Variants in LARS1 observed in about 807,000 individuals in gnomAD.
The protein encoded by LARS1 is leucyl-tRNA synthetase 1.
A neutral mutation model predicts 162.8 loss-of-function variants in LARS1; 100 were observed. The ratio of observed to expected loss-of-function variants is 0.61; its 90% CI spans 0.52 to 0.73. The LOEUF (loss-of-function observed/expected upper bound fraction) is 0.73. Among genes scored for constraint, LARS1 ranks in the 30% least tolerant of loss-of-function variants. The pLI is 0.00. For missense variants in LARS1, 1,258 were observed against 1,408.9 expected (o/e 0.89, Z 1.71); for synonymous variants, 457 against 462.8 (o/e 0.99, Z 0.16).
At chr5:146,132,691 T>C in intron 23 of LARS1, 1 of 426,672 alleles carries the variant, frequency 2.3e-6, no homozygotes, top group South Asian at 6.0e-5. Context: ...CTGTATTAAA[T>C]AAGGTTGCTT....
rs1752936747 is a variant in LARS1, at chr5:146,144,675, T to C, written c.1538A>G (p.Gln513Arg). 1 of 1,614,052 alleles carries C rather than the reference T, an allele frequency of 6.2e-7. No individual in the cohort carries two copies. Among genetic ancestry groups the C allele is most frequent in the Non-Finnish European group, 8.5e-7 (1 of 1,180,008 alleles). The change falls in exon 16 of 32, where the codon CAA becomes CGA. Residue 513 changes from glutamine (Q) to arginine (R), a missense_variant. Physicochemically the swap from Gln to Arg is conservative, Grantham distance 43. Transcript: ENST00000394434. Reference sequence around the variant, plus strand: ...TTCATCTGACGACCTGGACATCACTTGTTTCTCTGGTTCCATGTAAATAAG... The same window carrying C: ...TTCATCTGACGACCTGGACATCACTCGTTTCTCTGGTTCCATGTAAATAAG... ...DALIYMEPEK[Q>R]VMSRSSDECV...
chr5:146,142,833 C>T (rs1400935254), intron 20 of LARS1, 39 bp downstream of exon 20: 3 of 1,482,122 alleles, frequency 2.0e-6, no homozygotes, highest in Non-Finnish European at 2.8e-6. Context: ...CCCCTATTGA[C>T]AATCAATAAA....
chr5:146,124,077 C>G lies in LARS1; in HGVS notation c.3001G>C (p.Glu1001Gln). The change falls in exon 29 of 32, where the codon GAG becomes CAG. Residue 1001 changes from glutamate (E) to glutamine (Q), a missense_variant. Glu to Gln is a conservative substitution (Grantham distance 29). Coordinates refer to ENST00000394434, the MANE Select transcript of LARS1 (RefSeq NM_020117.11). ...PFVAMIKENL[E>Q]KMGPRILDLQ... ...TCCAGAATACGAGGCCCCATCTTCT[C>G]CAGATTTTCCTAATAGCCAAAATGG... is the stretch of plus-strand genomic sequence containing the variant. The G allele has an allele frequency of 6.2e-7, 1 of 1,605,886 alleles. No homozygotes were observed. Among genetic ancestry groups the G allele is most frequent in the Non-Finnish European group, 8.5e-7 (1 of 1,174,868 alleles).
intron 15 of LARS1, 74 bp from the exon 16 acceptor site, chr5:146,144,783 T>A: frequency 7.5e-7 from 1 of 1,339,202 alleles, no homozygotes; most frequent in Non-Finnish European, 1.1e-6. Context: ...TAAAAATTAC[T>A]TTAAAAAAAT....
rs566980518 is a variant in LARS1 at position 146,159,433 on chromosome 5, T to C, written c.745A>G (p.Met249Val). ...IYSPKDGQPC[M>V]DHDRQTGEGV... ...TCTCCAGTTTGTCTATCATGATCCATGCAAGGCTGTCCATCTTTCGGAGAG... is the reference window on the plus strand; with the variant it reads ...TCTCCAGTTTGTCTATCATGATCCACGCAAGGCTGTCCATCTTTCGGAGAG... Residue 249 changes from methionine (M) to valine (V), a missense_variant, in exon 8 of 32, where the codon ATG becomes GTG. By Grantham distance (21) the Met-to-Val change is conservative. Transcript: ENST00000394434. The C allele has an allele frequency of 1.4e-5, 22 of 1,612,480 alleles. No individual in the cohort carries two copies. Among genetic ancestry groups the C allele is most frequent in the Non-Finnish European group, 1.8e-5 (21 of 1,178,714 alleles).
intron 14 of LARS1, among the ~76,000 whole-genome samples, chr5:146,151,472 T>C (rs1753286542): frequency 6.6e-6 from 1 of 152,194 alleles, no homozygotes; most frequent in Non-Finnish European, 1.5e-5. Context: ...TAGACATTAA[T>C]AAATAAATTA....
At chr5:146,159,515 G>A (rs766638445) in intron 7 of LARS1, 45 bp from the exon 8 acceptor site, 102 of 1,423,770 alleles carry the variant, frequency 7.2e-5, no homozygotes, top group Non-Finnish European at 8.8e-5. Context: ...TAATATTCAC[G>A]TTTTATCCTA....
intron 28 of LARS1, 55 bp downstream of exon 28, chr5:146,126,380 T>C (rs1434179215): frequency 2.9e-6 from 3 of 1,044,140 alleles, no homozygotes; most frequent in Admixed American, 3.6e-5. Context: ...ATCCTTCTAT[T>C]GTCCCATCTA....
intron 21 of LARS1, chr5:146,138,075 A>G (rs2939526): frequency 0.97 from 145,882 of 151,056 alleles, 70,673 homozygotes; most frequent in East Asian, 1. Context: ...AGCCGAGATT[A>G]CGTCATTGCA....
At chr5:146,132,643 C>T (rs533126819) in intron 23 of LARS1, 1 of 300,168 alleles carries the variant, frequency 3.3e-6, no homozygotes, top group South Asian at 1.2e-4. Flanking sequence ...TTGTTCTAAG[C>T]TTCAGTTTCT....
In LARS1 at chr5:146,172,670, A is replaced by G. The variant is rs1754333675; in HGVS notation, c.213+17T>C. The G allele has an allele frequency of 3.4e-6, 5 of 1,461,308 alleles. No individual in the cohort carries two copies. The highest frequency in any genetic ancestry group is 9.3e-7 in the Non-Finnish European group (1 of 1,069,568). 90.5% of individuals were successfully genotyped at this position (1,461,308 alleles called of 1,614,324 possible). ...AAAACCTTCCTCCCCATTATAGCAA[A>G]CATAGGGAAACATTACCTCACATTT... On this transcript the variant is annotated intron_variant, in intron 3 of 31. Transcript: ENST00000394434.
At chr5:146,177,237 C>T (rs1475814659) in intron 2 of LARS1, among the ~76,000 whole-genome samples, 1 of 151,828 alleles carries the variant, frequency 6.6e-6, no homozygotes, top group Non-Finnish European at 1.5e-5. Context: ...GAGGCCGAGG[C>T]GGGTGGATCA....
chr5:146,160,059 G>T (rs1753709542), intron 7 of LARS1, among the ~76,000 whole-genome samples: 1 of 146,120 alleles, frequency 6.8e-6, no homozygotes, highest in Admixed American at 6.9e-5. Context: ...GGATACAAAA[G>T]AATAGAAACA....
At position 146,133,215 on chromosome 5, in the gene LARS1, C is replaced by A. The variant is rs1752362721; in HGVS notation, c.2213-134G>T. Reference sequence around the variant, plus strand: ...AATGCTTTAAAGGACTGTCCTGGATCAACAACAAAAATTAAAATCACCAAA... The same window carrying A: ...AATGCTTTAAAGGACTGTCCTGGATAAACAACAAAAATTAAAATCACCAAA... On this transcript the variant is annotated intron_variant, in intron 22 of 31. Transcript: ENST00000394434. 6.3e-6 allele frequency: 4 copies of A among 634,782 alleles called. No homozygotes were observed. In the Admixed American group the frequency reaches 1.4e-4, roughly 22 times the overall value. 39.3% of individuals were successfully genotyped at this position (634,782 alleles called of 1,614,324 possible). A position where few individuals can be genotyped will look rare whatever the true frequency, so the allele number is the denominator to read the frequency against.
chr5:146,135,780 A>C, intron 21 of LARS1, 116 bp from the exon 22 acceptor site: 1 of 664,702 alleles, frequency 1.5e-6, no homozygotes, highest in Non-Finnish European at 2.5e-6. Context: ...AGAATTCAAA[A>C]TACGGAAAGG....
intron 19 of LARS1, 162 bp downstream of exon 19, chr5:146,143,250 T>C (rs945319546): frequency 1.5e-5 from 14 of 922,310 alleles, no homozygotes; most frequent in Non-Finnish European, 2.2e-5. Context: ...ATGATGACAG[T>C]AAGGGGCTAT....
At chr5:146,141,544 C>T (rs1752775511) in intron 20 of LARS1, among the ~76,000 whole-genome samples, 1 of 152,122 alleles carries the variant, frequency 6.6e-6, no homozygotes. Flanking sequence ...TGGCTCATAC[C>T]TGTAATCCGA....
intron 21 of LARS1, chr5:146,138,074 T>TG (rs2126456726): frequency 6.6e-6 from 1 of 151,350 alleles, no homozygotes; most frequent in African/African-American, 2.5e-5. Flanking sequence ...GAGCCGAGAT[T>TG]ACGTCATTGC....
chr5:146,127,401 T>C (rs1053805883), intron 27 of LARS1, among the ~76,000 whole-genome samples: 4 of 152,098 alleles, frequency 2.6e-5, no homozygotes, highest in African/African-American at 9.7e-5. Context: ...TTCGTGATTA[T>C]AAATGAACAT....
Sources: allele counts gnomAD v4.1 joint callset (sites outside exome capture counted in the v4.1 genomes callset), GRCh38; gene constraint gnomAD v4.1.1; transcripts MANE v1.5; gene names NCBI Gene and HGNC (gene_info 2026-07-23, HGNC 2026-07-21).